Variants in TNR observed in about 807,000 individuals in gnomAD.
TNR encodes the protein tenascin R.
In TNR, 45 loss-of-function variants were observed where a neutral mutation model predicts 150.4. The observed-to-expected ratio is 0.30, with a 90% CI of 0.24 to 0.38. The LOEUF is 0.38. TNR is among the 10% of genes least tolerant of loss of function. TNR has a pLI of 1.00. For missense variants in TNR, 1,544 were observed against 1,759.1 expected (o/e 0.88, Z 2.19); for synonymous variants, 687 against 678.4 (o/e 1.01, Z -0.20).
chr1:175,323,554 G>T, intron 22 of TNR, 78 bp from the exon 23 acceptor site: 1 of 1,568,978 alleles, frequency 6.4e-7, no homozygotes, highest in South Asian at 1.2e-5. Context: ...GTAATTATGG[G>T]AACAGGGAAT....
intron 2 of TNR, among the ~76,000 whole-genome samples, chr1:175,486,408 G>A (rs1204000164): frequency 6.6e-6 from 1 of 152,068 alleles, no homozygotes; most frequent in African/African-American, 2.4e-5. Context: ...AGTTTGCTGA[G>A]AATGATGGTT....
At chr1:175,560,202 C>T (rs945310544) in intron 1 of TNR, among the ~76,000 whole-genome samples, 2 of 152,204 alleles carry the variant, frequency 1.3e-5, no homozygotes, top group African/African-American at 4.8e-5. Context: ...TTGAATTTCA[C>T]CTTGTTAGTT....
intron 2 of TNR, among the ~76,000 whole-genome samples, chr1:175,512,571 C>G (rs1181965640): frequency 6.6e-6 from 1 of 152,152 alleles, no homozygotes; most frequent in South Asian, 2.1e-4. Flanking sequence ...AAACAGCTGA[C>G]CTGACTTGGG....
intron 2 of TNR, among the ~76,000 whole-genome samples, chr1:175,456,519 A>G (rs1656580981): frequency 6.6e-6 from 1 of 152,230 alleles, no homozygotes; most frequent in African/African-American, 2.4e-5. Context: ...ACGGTGCTTA[A>G]TAAATCTCCT....
At chr1:175,555,183 T>C (rs1386245104) in intron 1 of TNR, among the ~76,000 whole-genome samples, 3 of 152,142 alleles carry the variant, frequency 2.0e-5, no homozygotes, top group Admixed American at 1.3e-4. Context: ...GAGGAGATAT[T>C]CCATGGGTCC....
chr1:175,391,179 A>C, intron 7 of TNR, 109 bp downstream of exon 7: 90 of 1,392,856 alleles, frequency 6.5e-5, no homozygotes, highest in Non-Finnish European at 7.5e-5. Flanking sequence ...TCCCAGCTCT[A>C]GGAGAAATTC....
intron 1 of TNR, among the ~76,000 whole-genome samples, chr1:175,631,592 CA>C (rs1358817529): frequency 6.6e-6 from 1 of 152,120 alleles, no homozygotes; most frequent in Admixed American, 6.6e-5. Flanking sequence ...AAAGATTGAA[CA>C]CCTGTGGCCT....
At chr1:175,432,001 C>T (rs556744105) in intron 2 of TNR, among the ~76,000 whole-genome samples, 2 of 146,058 alleles carry the variant, frequency 1.4e-5, no homozygotes, top group African/African-American at 5.1e-5. Flanking sequence ...AGGCTTGAGA[C>T]CTTGTTTCCC....
At chr1:175,658,875 C>A (rs1182321063) in intron 1 of TNR, among the ~76,000 whole-genome samples, 2 of 152,216 alleles carry the variant, frequency 1.3e-5, no homozygotes, top group African/African-American at 2.4e-5. Context: ...AAAACCAAGT[C>A]TAAAGCACTG....
At chr1:175,554,177 C>A (rs1661058988) in intron 1 of TNR, among the ~76,000 whole-genome samples, 1 of 152,072 alleles carries the variant, frequency 6.6e-6, no homozygotes, top group Non-Finnish European at 1.5e-5. Flanking sequence ...CTCTGCATTG[C>A]CAGACAAAAT....
intron 1 of TNR, among the ~76,000 whole-genome samples, chr1:175,585,567 GT>G (rs1285296628): frequency 1.3e-5 from 2 of 152,176 alleles, no homozygotes; most frequent in Non-Finnish European, 2.9e-5. Flanking sequence ...TCAGACTTGT[GT>G]TTTTCAGATT....
intron 2 of TNR, among the ~76,000 whole-genome samples, chr1:175,448,483 T>C (rs892756647): frequency 5.3e-5 from 8 of 152,338 alleles, no homozygotes; most frequent in Admixed American, 5.2e-4. Flanking sequence ...GTGCTGGGAT[T>C]ACAGGCATGA....
intron 1 of TNR, among the ~76,000 whole-genome samples, chr1:175,662,312 G>A (rs1359338708): frequency 6.6e-6 from 1 of 152,072 alleles, no homozygotes; most frequent in Non-Finnish European, 1.5e-5. Flanking sequence ...TACTCCAGTT[G>A]TCATGTCTGA....
intron 2 of TNR, among the ~76,000 whole-genome samples, chr1:175,526,363 A>G (rs772920445): frequency 6.6e-6 from 1 of 152,212 alleles, no homozygotes; most frequent in Non-Finnish European, 1.5e-5. Flanking sequence ...TCACAATTGA[A>G]GGACAGAACT....
intron 1 of TNR, among the ~76,000 whole-genome samples, chr1:175,679,076 C>T (rs899866519): frequency 2.6e-5 from 4 of 152,202 alleles, no homozygotes; most frequent in Admixed American, 6.5e-5. Flanking sequence ...TTCTGACTTG[C>T]GGGAGGGCTT....
chr1:175,425,741 T>C (rs75069736), intron 2 of TNR, among the ~76,000 whole-genome samples: 1,585 of 152,220 alleles, frequency 0.01, 24 homozygotes, highest in African/African-American at 0.036. Flanking sequence ...TTGCAAAGAG[T>C]AGCATTTTTT....
At chr1:175,590,002 TA>T (rs1206112463) in intron 1 of TNR, among the ~76,000 whole-genome samples, 2 of 147,196 alleles carry the variant, frequency 1.4e-5, no homozygotes, top group South Asian at 2.1e-4. Flanking sequence ...ATAATAATAA[TA>T]AAAAAAAGAC....
chr1:175,742,662 G>C (rs1286193811), intron 1 of TNR, among the ~76,000 whole-genome samples: 4 of 152,150 alleles, frequency 2.6e-5, no homozygotes, highest in Non-Finnish European at 5.9e-5. Flanking sequence ...TAAAAGGTCA[G>C]GTTGGGCTCT....
chr1:175,565,232 G>T (rs1661594966), intron 1 of TNR, among the ~76,000 whole-genome samples: 1 of 152,172 alleles, frequency 6.6e-6, no homozygotes, highest in Non-Finnish European at 1.5e-5. Flanking sequence ...GAGTGGGCGA[G>T]GATACGTTGC....
Sources: allele counts gnomAD v4.1 joint callset (sites outside exome capture counted in the v4.1 genomes callset), GRCh38; gene constraint gnomAD v4.1.1; transcripts MANE v1.5; gene names NCBI Gene and HGNC (gene_info 2026-07-23, HGNC 2026-07-21).